DNAH14: variants seen among roughly 807,000 people sequenced by gnomAD.
The protein encoded by DNAH14 is dynein axonemal heavy chain 14, also known as axonemal beta dynein heavy chain 14.
DNAH14 carries 478 observed loss-of-function variants against 520.9 expected under a neutral mutation model. That is an observed-to-expected ratio of 0.92 (90% CI 0.85 to 0.99). The LOEUF (loss-of-function observed/expected upper bound fraction) is 0.99. Among genes scored for constraint, DNAH14 ranks in the 50% least tolerant of loss-of-function variants. The probability of loss-of-function intolerance (pLI) is 0.00; values close to 1 mark genes in which losing one functional copy is unlikely to be tolerated. For missense variants in DNAH14, 4,831 were observed against 5,234.5 expected, an observed-to-expected ratio of 0.92 and a Z score of 2.38; for synonymous variants, 1,581 against 1,757.2, an observed-to-expected ratio of 0.90 and a Z score of 2.51.
At position 225,207,100 on chromosome 1, in the gene DNAH14, A is replaced by G. The variant is rs763556008; in HGVS notation, c.6319A>G (p.Ile2107Val). The change falls in exon 41 of 86, where the codon ATA becomes GTA. Residue 2107 changes from isoleucine (I) to valine (V), a missense_variant. Physicochemically the swap from Ile to Val is conservative, Grantham distance 29. Transcript: ENST00000682510. ...KNSVTDGLQF[I>V]RNRQKFQPYP... The stretch of plus-strand genomic sequence containing the variant: ...TAGTGTCACAGACGGACTACAATTT[A>G]TAAGGAATCGTCAGAAATTTCAGCC... 1 of 1,551,178 alleles carries G rather than the reference A, an allele frequency of 6.4e-7. No individual in the cohort carries two copies. The highest frequency in any genetic ancestry group is 8.7e-7 in the Non-Finnish European group (1 of 1,146,678).
At chr1:225,100,915 TC>T in intron 23 of DNAH14, 31 bp downstream of exon 23, 4 of 1,429,926 alleles carry the variant, frequency 2.8e-6, no homozygotes, top group Non-Finnish European at 3.7e-6. Flanking sequence ...AAGCAGTGAA[TC>T]ATTTAACAAA....
intron 73 of DNAH14, chr1:225,357,965 C>A: frequency 1.7e-6 from 1 of 593,610 alleles, no homozygotes; most frequent in Non-Finnish European, 3.0e-6. Flanking sequence ...GTTTACTATG[C>A]ATTTATACTG....
chr1:225,315,848 C>T (rs538047515), intron 60 of DNAH14, among the ~76,000 whole-genome samples: 1 of 152,340 alleles, frequency 6.6e-6, no homozygotes, highest in Non-Finnish European at 1.5e-5. Flanking sequence ...CCAGCTGGAG[C>T]TCTCCTGTCT....
Position 225,132,767 on chromosome 1 carries a change from T to C in DNAH14, c.4255-8001T>C, listed in dbSNP as rs555606773. Reference sequence around the variant, plus strand: ...GGATTGCTGGATCAAATGGTATTTCTGCCTCTAGGTCTTTGAGGAATCGCC... The same window carrying C: ...GGATTGCTGGATCAAATGGTATTTCCGCCTCTAGGTCTTTGAGGAATCGCC... On this transcript the variant is annotated intron_variant, in intron 27 of 85. Coordinates refer to ENST00000682510, the MANE Select transcript of DNAH14 (RefSeq NM_001367479.1). Among the ~76,000 whole-genome samples, 9 of 152,312 alleles carry C rather than the reference T, an allele frequency of 5.9e-5. No homozygotes were observed. In the South Asian group the frequency reaches 1.9e-3, roughly 32 times the overall value.
chr1:225,030,103 A>G (rs771213553), intron 11 of DNAH14, among the ~76,000 whole-genome samples: 8 of 151,996 alleles, frequency 5.3e-5, no homozygotes, highest in Non-Finnish European at 1.0e-4. Flanking sequence ...AAAGTTTGGG[A>G]AAGGTCACAA....
At chr1:225,009,759 T>C (rs926675444) in intron 10 of DNAH14, among the ~76,000 whole-genome samples, 1 of 152,252 alleles carries the variant, frequency 6.6e-6, no homozygotes, top group African/African-American at 2.4e-5. Flanking sequence ...TTTCCATTTG[T>C]TTGTGTCCTC....
At chr1:225,049,185 A>C (rs1340658231) in intron 15 of DNAH14, among the ~76,000 whole-genome samples, 1 of 149,200 alleles carries the variant, frequency 6.7e-6, no homozygotes, top group Non-Finnish European at 1.5e-5. Flanking sequence ...CAACCTCCTG[A>C]GTAGCTGGGA....
At chr1:225,180,796 C>A (rs1476606842) in intron 36 of DNAH14, among the ~76,000 whole-genome samples, 1 of 152,164 alleles carries the variant, frequency 6.6e-6, no homozygotes, top group East Asian at 1.9e-4. Context: ...GATGGATCTG[C>A]TATTAAGACC....
chr1:225,167,115 A>T (rs1169984533), intron 35 of DNAH14, among the ~76,000 whole-genome samples: 1 of 152,204 alleles, frequency 6.6e-6, no homozygotes, highest in Non-Finnish European at 1.5e-5. Context: ...TTAAGAGAGC[A>T]ATTCCATTTG....
rs2094348665 is a variant in DNAH14 at position 225,310,794 on chromosome 1, TG to T, written c.9240+2385del. 2.0e-5 allele frequency among the ~76,000 whole-genome samples: 3 copies of T among 152,234 alleles called. No homozygotes were observed. The South Asian group carries it at 6.2e-4, about 31-fold the overall frequency. On this transcript the variant is annotated intron_variant, in intron 60 of 85. Transcript: ENST00000682510. ...ACATGAGCTCATCCTTTTTTATGGCTGCATAGTATTCCATGGTGTATATGTG... is the reference window on the plus strand; with the variant it reads ...ACATGAGCTCATCCTTTTTTATGGCTCATAGTATTCCATGGTGTATATGTG...
At chr1:225,133,574 C>T (rs2078654551) in intron 27 of DNAH14, among the ~76,000 whole-genome samples, 1 of 152,132 alleles carries the variant, frequency 6.6e-6, no homozygotes, top group African/African-American at 2.4e-5. Context: ...TGTTCTGTTA[C>T]ATTGGTCTAT....
At chr1:225,322,873 A>T (rs544743817) in intron 62 of DNAH14, 50 bp downstream of exon 62, 2 of 1,450,832 alleles carry the variant, frequency 1.4e-6, no homozygotes, top group Admixed American at 4.2e-5. Flanking sequence ...AGTCTGTGGG[A>T]TCAAACAGAC....
chr1:225,176,228 A>G (rs899768697), intron 36 of DNAH14, among the ~76,000 whole-genome samples: 1 of 152,096 alleles, frequency 6.6e-6, no homozygotes, highest in Non-Finnish European at 1.5e-5. Context: ...ACATGAGCAC[A>G]TTGTTTAATT....
chr1:225,293,762 T>A (rs1234283184), intron 55 of DNAH14, among the ~76,000 whole-genome samples: 5 of 152,114 alleles, frequency 3.3e-5, no homozygotes, highest in Non-Finnish European at 1.5e-5. Flanking sequence ...CAAACCCCCA[T>A]GACACAAGTT....
chr1:225,049,045 C>CTTT lies in DNAH14; in HGVS notation c.1913-1164_1913-1163insTTT, dbSNP rs1196968494. The stretch of plus-strand genomic sequence containing the variant: ...CCAAATGTCTTTTTAGATCTCTTGC[C>CTTT]TATTTTTTTTTTTTTTTTTTTTTTT... On this transcript the variant is annotated intron_variant, in intron 15 of 85. Transcript: ENST00000682510. Among the ~76,000 whole-genome samples, 6 of 87,142 alleles carry CTTT rather than the reference C, an allele frequency of 6.9e-5. 1 individual carries two copies. The highest frequency in any genetic ancestry group is 6.7e-4 in the East Asian group (2 of 3,000). The allele number at this position is 87,142 out of a possible 152,430, so 57.2% of individuals were successfully genotyped here.
Position 225,380,156 on chromosome 1 carries a change from C to T in DNAH14, c.12717-3C>T. On this transcript the variant is annotated splice_polypyrimidine_tract_variant and splice_region_variant and intron_variant, in intron 79 of 85. Coordinates refer to ENST00000682510, the MANE Select transcript of DNAH14 (RefSeq NM_001367479.1). ...CTCATTCTTCTCTTGGTTTTTTTTGCAGACCTGAGCAGAGTAAGGATGAAC... is the reference window on the plus strand; with the variant it reads ...CTCATTCTTCTCTTGGTTTTTTTTGTAGACCTGAGCAGAGTAAGGATGAAC... 6.5e-7 allele frequency: 1 copy of T among 1,537,932 alleles called. No individual in the cohort carries two copies.
At chr1:225,172,129 A>G (rs2082755203) in intron 36 of DNAH14, among the ~76,000 whole-genome samples, 1 of 152,212 alleles carries the variant, frequency 6.6e-6, no homozygotes. Flanking sequence ...AATAAGAGCT[A>G]TCTATGACAA....
intron 83 of DNAH14, 87 bp downstream of exon 83, chr1:225,389,960 C>T (rs1032883011): frequency 1.6e-6 from 2 of 1,251,540 alleles, no homozygotes; most frequent in East Asian, 2.5e-5. Context: ...TCCTCCTCCC[C>T]TTTAGGATGA....
Position 225,358,518 on chromosome 1 carries a change from G to A in DNAH14, c.11642G>A (p.Ser3881Asn), listed in dbSNP as rs1468543353. ...LILVKVLRPE[S>N]LNNSVRKFIT... is the part of the protein sequence containing the mutation. ...TAGGTAAAAGTTCTTAGACCAGAAA[G>A]TTTAAACAATTCAGTGAGAAAGTTT... is the stretch of plus-strand genomic sequence containing the variant. The change falls in exon 74 of 86, where the codon AGT (serine) becomes AAT (asparagine). Residue 3881 changes from serine to asparagine, a missense_variant. Transcript: ENST00000682510. 3.1e-5 allele frequency: 47 copies of A among 1,533,390 alleles called. No homozygotes were observed. The highest frequency in any genetic ancestry group is 3.9e-5 in the Non-Finnish European group (45 of 1,140,132). 95.0% of individuals were successfully genotyped at this position (1,533,390 alleles called of 1,614,324 possible).
Sources: allele counts gnomAD v4.1 joint callset (sites outside exome capture counted in the v4.1 genomes callset), GRCh38; gene constraint gnomAD v4.1.1; transcripts MANE v1.5; gene names NCBI Gene and HGNC (gene_info 2026-07-23, HGNC 2026-07-21).